Variants in PCDHGB1 observed in about 807,000 individuals in gnomAD.
The protein encoded by PCDHGB1 is protocadherin gamma subfamily B, 1.
PCDHGB1 carries 34 observed loss-of-function variants against 56.6 expected under a neutral mutation model. That is an observed-to-expected ratio of 0.60 (90% CI 0.46 to 0.80). The LOEUF (loss-of-function observed/expected upper bound fraction) is 0.80. Ranked by LOEUF, PCDHGB1 falls within the 30% of genes least tolerant of loss-of-function variation. PCDHGB1 has a pLI of 0.00. For synonymous variants in PCDHGB1, 561 were observed against 505.9 expected (o/e 1.11, Z -1.46); for missense variants, 1,278 against 1,204.6 (o/e 1.06, Z -0.90).
At position 141,477,539 on chromosome 5, in the gene PCDHGB1, C is replaced by G; in HGVS notation, c.2410-17268C>G. 2 of 1,614,172 alleles carry G rather than the reference C, an allele frequency of 1.2e-6. No individual in the cohort carries two copies. The highest frequency in any genetic ancestry group is 1.7e-6 in the Non-Finnish European group (2 of 1,180,030). On this transcript the variant is annotated intron_variant, in intron 1 of 3. Transcript: ENST00000523390. The surrounding 1 kb of genome is among the most constrained non-coding windows in gnomAD (Gnocchi z 4.9). ...TGAAGAAAACAACCTCCCCGGGGCT[C>G]CAATACTAAACCTAAGTGTCTGGGA...
chr5:141,364,281 A>T, intron 1 of PCDHGB1: 2 of 1,516,544 alleles, frequency 1.3e-6, no homozygotes, highest in South Asian at 2.7e-5. Context: ...ATAAATAAGG[A>T]AACAGCAGGC....
chr5:141,441,057 A>T (rs2098222263), intron 1 of PCDHGB1: 2 of 152,152 alleles, frequency 1.3e-5, no homozygotes, highest in South Asian at 4.1e-4. Flanking sequence ...ACTTTTAAAG[A>T]TTTTTAATTT....
intron 1 of PCDHGB1, chr5:141,387,741 G>T: frequency 1.5e-6 from 2 of 1,332,868 alleles, no homozygotes; most frequent in Non-Finnish European, 2.0e-6. Context: ...CCTTTACACC[G>T]CTTCCTCCTC....
At chr5:141,422,110 T>A in intron 1 of PCDHGB1, 1 of 1,606,626 alleles carries the variant, frequency 6.2e-7, no homozygotes, top group South Asian at 1.1e-5. Flanking sequence ...AATATTCCAA[T>A]TGGATTCACA....
rs962794399 is a variant in PCDHGB1, at chr5:141,449,958, AT to A, written c.2410-44841del. Among the ~76,000 whole-genome samples, 332 of 148,828 alleles carry A rather than the reference AT, an allele frequency of 2.2e-3. 1 individual carries two copies. The highest frequency in any genetic ancestry group is 6.8e-3 in the Admixed American group (101 of 14,904). Reference sequence around the variant, plus strand: ...GTATATTTTACTATACCTCATAGTAATTTTTTTTAGTCCAAAATATCACACA... The same window carrying A: ...GTATATTTTACTATACCTCATAGTAATTTTTTTAGTCCAAAATATCACACA... On this transcript the variant is annotated intron_variant, in intron 1 of 3. Coordinates refer to ENST00000523390, the MANE Select transcript of PCDHGB1 (RefSeq NM_018922.3).
rs144482292 is a variant in PCDHGB1 at position 141,385,630 on chromosome 5, C to T, written c.2409+32961C>T. 4.8e-3 allele frequency: 4,617 copies of T among 957,834 alleles called. 22 individuals are homozygous for T. The highest frequency in any genetic ancestry group is 0.011 in the Admixed American group (240 of 22,730). The allele number at this position is 957,834 out of a possible 1,614,324, so 59.3% of individuals were successfully genotyped here. ...ATATATTTTATACATTGGAATGAAT[C>T]GAGTCTTTCATATTGCACAAGGTTA... is the stretch of plus-strand genomic sequence containing the variant. On this transcript the variant is annotated intron_variant, in intron 1 of 3. Coordinates refer to ENST00000523390, the MANE Select transcript of PCDHGB1 (RefSeq NM_018922.3).
At position 141,432,289 on chromosome 5, in the gene PCDHGB1, C is replaced by A. The variant is rs762278053; in HGVS notation, c.2410-62518C>A. 2 of 1,614,148 alleles carry A rather than the reference C, an allele frequency of 1.2e-6. No individual in the cohort carries two copies. Among genetic ancestry groups the A allele is most frequent in the African/African-American group, 2.7e-5 (2 of 74,952 alleles). On this transcript the variant is annotated intron_variant, in intron 1 of 3. Coordinates refer to ENST00000523390, the MANE Select transcript of PCDHGB1 (RefSeq NM_018922.3). The surrounding 1 kb of genome is among the most constrained non-coding windows in gnomAD (Gnocchi z 6.0). ...CGTCCTACGTGTCCATCAACTCCGA[C>A]ACTGGGGTACTGTATGCGCTGAGCT...
intron 1 of PCDHGB1, chr5:141,355,975 A>C (rs1283437622): frequency 6.2e-7 from 1 of 1,613,828 alleles, no homozygotes; most frequent in Admixed American, 1.7e-5. Context: ...TCCTGTAGGC[A>C]CTCGGCTACT....
At chr5:141,433,926 A>T (rs2154556019) in intron 1 of PCDHGB1, among the ~76,000 whole-genome samples, 1 of 151,830 alleles carries the variant, frequency 6.6e-6, no homozygotes, top group African/African-American at 2.4e-5. Context: ...CCAAATGAAG[A>T]TTTTATAATT....
At position 141,432,686 on chromosome 5, in the gene PCDHGB1, G is replaced by T. The variant is rs2097528577; in HGVS notation, c.2410-62121G>T. ...CAGAGACGCGCTCAAGCAGAGCCTC[G>T]TAGTGGCCGTCCAGGACCACGGCCA... On this transcript the variant is annotated intron_variant, in intron 1 of 3. Transcript: ENST00000523390. The surrounding 1 kb of genome is among the most constrained non-coding windows in gnomAD (Gnocchi z 6.0). 6.2e-7 allele frequency: 1 copy of T among 1,613,922 alleles called. No individual in the cohort carries two copies. Among genetic ancestry groups the T allele is most frequent in the Non-Finnish European group, 8.5e-7 (1 of 1,179,968 alleles).
intron 1 of PCDHGB1, chr5:141,383,465 C>T: frequency 6.2e-7 from 1 of 1,613,792 alleles, no homozygotes; most frequent in Non-Finnish European, 8.5e-7. Flanking sequence ...GACGATGAAA[C>T]TAAGTACCCG....
Position 141,389,835 on chromosome 5 carries a change from C to T in PCDHGB1, c.2409+37166C>T, listed in dbSNP as rs1238547778. 4.3e-6 allele frequency: 7 copies of T among 1,614,002 alleles called. No homozygotes were observed. The South Asian group carries it at 7.7e-5, about 18-fold the overall frequency. On this transcript the variant is annotated intron_variant, in intron 1 of 3. Transcript: ENST00000523390. ...CGCCGTGCGTGACGGTGGACAGCCA[C>T]CACTCTCGGCCACTGCCACGTTGCA...
At chr5:141,420,546 G>A in intron 1 of PCDHGB1, 1 of 284,254 alleles carries the variant, frequency 3.5e-6, no homozygotes, top group South Asian at 1.2e-4. Context: ...ATAAAATACA[G>A]GTATATTTTT....
intron 1 of PCDHGB1, among the ~76,000 whole-genome samples, chr5:141,468,089 T>C (rs1349447353): frequency 6.6e-6 from 1 of 151,010 alleles, no homozygotes; most frequent in Non-Finnish European, 1.5e-5. Context: ...CTTTGGGAGG[T>C]TGAGGCAGGC....
intron 1 of PCDHGB1, chr5:141,365,091 A>G: frequency 6.2e-7 from 1 of 1,613,870 alleles, no homozygotes. Context: ...GTTCCAGAGA[A>G]CATACCTGTG....
intron 1 of PCDHGB1, chr5:141,371,230 A>G: frequency 6.2e-7 from 1 of 1,614,038 alleles, no homozygotes; most frequent in Non-Finnish European, 8.5e-7. Flanking sequence ...GAAATCATCT[A>G]TGCCTTCATC....
At chr5:141,466,655 AT>A (rs754296083) in intron 1 of PCDHGB1, among the ~76,000 whole-genome samples, 3 of 152,206 alleles carry the variant, frequency 2.0e-5, no homozygotes, top group Non-Finnish European at 4.4e-5. Context: ...TTCACAAAAC[AT>A]CAGTGATTTC....
intron 1 of PCDHGB1, among the ~76,000 whole-genome samples, chr5:141,453,479 A>G (rs1345415084): frequency 1.3e-5 from 2 of 152,082 alleles, no homozygotes; most frequent in Non-Finnish European, 2.9e-5. Context: ...AGTCAAAACT[A>G]TTAAAAAAAG....
In PCDHGB1 at chr5:141,489,242, TG is replaced by T; in HGVS notation, c.2410-5561del. 6.5e-7 allele frequency: 1 copy of T among 1,534,498 alleles called. No homozygotes were observed. The highest frequency in any genetic ancestry group is 2.3e-5 in the East Asian group (1 of 44,312). On this transcript the variant is annotated intron_variant, in intron 1 of 3. Transcript: ENST00000523390. The surrounding 1 kb of genome is among the most constrained non-coding windows in gnomAD (Gnocchi z 4.5). ...TCTCCACAAAGGGACTTCTGGGTCA[TG>T]GGGCCCAAGACACTCCCACAGCTCG...
Sources: gnomAD v4.1 joint callset for allele counts (sites outside exome capture counted in the v4.1 genomes callset) on GRCh38, gnomAD v4.1.1 for gene constraint, Gnocchi (gnomAD v3.1) non-coding constraint, MANE v1.5 for transcripts, NCBI Gene and HGNC (gene_info 2026-07-23, HGNC 2026-07-21) for gene names.